The following SDK1 variants were observed in gnomAD, a reference collection of about 807,000 sequenced individuals.
SDK1 encodes the protein protein sidekick-1.
Under a neutral mutation model 245.5 loss-of-function variants are expected in SDK1, and 157 were observed. That is an observed-to-expected ratio of 0.64 (90% CI 0.56 to 0.73). The LOEUF (loss-of-function observed/expected upper bound fraction) is 0.73. Among genes scored for constraint, SDK1 ranks in the 30% least tolerant of loss-of-function variants. The pLI, the probability that SDK1 is intolerant of heterozygous loss-of-function variation, is 0.00. For synonymous variants in SDK1, 1,647 were observed against 1,278.5 expected, an observed-to-expected ratio of 1.29 and a Z score of -6.15; for missense variants, 3,583 against 3,002.3, an observed-to-expected ratio of 1.19 and a Z score of -4.52.
intron 4 of SDK1, among the ~76,000 whole-genome samples, chr7:3,764,138 G>C (rs1224463402): frequency 6.6e-6 from 1 of 152,056 alleles, no homozygotes; most frequent in African/African-American, 2.4e-5. Context: ...ATTCTACTTT[G>C]GCATTTTCCC....
At chr7:3,361,929 A>C (rs1780963760) in intron 1 of SDK1, among the ~76,000 whole-genome samples, 1 of 152,232 alleles carries the variant, frequency 6.6e-6, no homozygotes, top group South Asian at 2.1e-4. Context: ...ATCTAAGAGC[A>C]GATTACATTT....
At chr7:3,981,619 G>T (rs1783410650) in intron 13 of SDK1, among the ~76,000 whole-genome samples, 1 of 152,212 alleles carries the variant, frequency 6.6e-6, no homozygotes, top group Non-Finnish European at 1.5e-5. Context: ...ATAAGAAAGT[G>T]AAACAGTCTT....
Position 4,204,031 on chromosome 7 carries a change from G to A in SDK1, c.5099-1848G>A, listed in dbSNP as rs151171758. On this transcript the variant is annotated intron_variant, in intron 35 of 44. Transcript: ENST00000404826. The stretch of plus-strand genomic sequence containing the variant: ...CACAGACCCACCAGTTCCTACAGGC[G>A]GATATCCAAGTCCAGAGCTGTCGTG... Among the ~76,000 whole-genome samples the A allele has an allele frequency of 3.9e-5, 6 of 152,332 alleles. No individual in the cohort carries two copies. In the East Asian group the frequency reaches 7.7e-4, roughly 20 times the overall value.
intron 1 of SDK1, among the ~76,000 whole-genome samples, chr7:3,390,692 G>A (rs565126917): frequency 1.7e-3 from 264 of 152,240 alleles, no homozygotes; most frequent in Non-Finnish European, 2.9e-3. Flanking sequence ...TTATGCTGCC[G>A]AAGTCAATAA....
intron 1 of SDK1, among the ~76,000 whole-genome samples, chr7:3,472,729 G>A (rs1781222416): frequency 6.6e-6 from 1 of 152,170 alleles, no homozygotes; most frequent in Non-Finnish European, 1.5e-5. Flanking sequence ...TACTGAATTT[G>A]CATTTGAAGA....
chr7:3,918,402 G>A (rs1367411389), intron 5 of SDK1, among the ~76,000 whole-genome samples: 2 of 152,130 alleles, frequency 1.3e-5, no homozygotes, highest in African/African-American at 2.4e-5. Context: ...GTAATAGCAC[G>A]AACCCTATTG....
At chr7:3,312,197 G>A (rs1021474882) in intron 1 of SDK1, among the ~76,000 whole-genome samples, 3 of 152,152 alleles carry the variant, frequency 2.0e-5, no homozygotes, top group African/African-American at 7.2e-5. Context: ...TAACCTTCAA[G>A]CTGAGACAAA....
intron 4 of SDK1, among the ~76,000 whole-genome samples, chr7:3,806,395 C>CACATTAGGATGTGGATG (rs1483103123): frequency 7.2e-5 from 11 of 152,078 alleles, no homozygotes; most frequent in East Asian, 3.9e-4. Context: ...CGTGGATGTC[C>CACATTAGGATGTGGATG]TTGGGGGCCC....
At chr7:3,967,288 C>G in intron 9 of SDK1, 30 bp from the exon 10 acceptor site, 1 of 1,554,192 alleles carries the variant, frequency 6.4e-7, no homozygotes, top group Non-Finnish European at 8.9e-7. Context: ...GGAACAAGGC[C>G]CTGATCATTT....
chr7:3,939,979 T>C (rs1780295689), intron 5 of SDK1, among the ~76,000 whole-genome samples: 1 of 152,222 alleles, frequency 6.6e-6, no homozygotes, highest in Non-Finnish European at 1.5e-5. Context: ...CAGTGCACCT[T>C]GAGACGCGTA....
intron 3 of SDK1, among the ~76,000 whole-genome samples, chr7:3,640,051 C>G (rs539093864): frequency 1.3e-5 from 2 of 151,970 alleles, no homozygotes; most frequent in African/African-American, 4.8e-5. Context: ...GGGGAGGGAT[C>G]GCACTGCATT....
chr7:4,241,922 G>A lies in SDK1; in HGVS notation c.6251+9G>A. On this transcript the variant is annotated intron_variant, in intron 43 of 44. Coordinates refer to ENST00000404826, the MANE Select transcript of SDK1 (RefSeq NM_152744.4). ...AAGAAGAACGGGACCAGGTAGGCAG[G>A]CAGTGCTGTGCTGCGCCCACCTGGG... 3.7e-6 allele frequency: 6 copies of A among 1,611,746 alleles called. No individual in the cohort carries two copies. The highest frequency in any genetic ancestry group is 1.3e-5 in the African/African-American group (1 of 75,060).
intron 5 of SDK1, among the ~76,000 whole-genome samples, chr7:3,837,039 C>T (rs1780043303): frequency 6.6e-6 from 1 of 152,188 alleles, no homozygotes; most frequent in South Asian, 2.1e-4. Context: ...CCCCTGTCCT[C>T]TTGTGTTAGA....
chr7:3,842,005 A>AC (rs1318891124), intron 5 of SDK1, among the ~76,000 whole-genome samples: 1 of 152,026 alleles, frequency 6.6e-6, no homozygotes, highest in East Asian at 1.9e-4. Context: ...CCTCTCCTCC[A>AC]CCTCCATGGC....
intron 5 of SDK1, among the ~76,000 whole-genome samples, chr7:3,879,440 G>A (rs1298554086): frequency 2.6e-5 from 4 of 152,142 alleles, no homozygotes; most frequent in African/African-American, 9.7e-5. Flanking sequence ...TCAGCCACTT[G>A]CCCCTGATGT....
intron 5 of SDK1, among the ~76,000 whole-genome samples, chr7:3,883,888 T>C (rs1781268826): frequency 6.6e-6 from 1 of 152,150 alleles, no homozygotes; most frequent in Admixed American, 6.5e-5. Context: ...CCACATGGCC[T>C]CAATATTCCT....
chr7:3,869,015 G>T (rs77895327), intron 5 of SDK1, among the ~76,000 whole-genome samples: 3,643 of 152,242 alleles, frequency 0.024, 139 homozygotes, highest in African/African-American at 0.081. Context: ...TCTCATTCGG[G>T]AAAAACAAAG....
intron 4 of SDK1, among the ~76,000 whole-genome samples, chr7:3,782,852 G>C (rs986918983): frequency 1.3e-5 from 2 of 152,126 alleles, no homozygotes; most frequent in Non-Finnish European, 1.5e-5. Context: ...GGAATTGTCT[G>C]TACTTCCAAA....
intron 33 of SDK1, 33 bp downstream of exon 33, chr7:4,174,390 G>A (rs199870569): frequency 1.2e-4 from 200 of 1,610,154 alleles, no homozygotes; most frequent in Non-Finnish European, 1.5e-4. Context: ...GGTACAGGGA[G>A]GGAGGTTCCC....
Sources: allele counts gnomAD v4.1 joint callset (sites outside exome capture counted in the v4.1 genomes callset), GRCh38; gene constraint gnomAD v4.1.1; transcripts MANE v1.5; gene names NCBI Gene and HGNC (gene_info 2026-07-23, HGNC 2026-07-21).